Variants in NBEA observed in about 807,000 individuals in gnomAD.
NBEA encodes lysosomal-trafficking regulator 2.
In NBEA, 44 loss-of-function variants were observed where a neutral mutation model predicts 343.4. The ratio of observed to expected loss-of-function variants is 0.13; its 90% CI spans 0.10 to 0.16. NBEA has a LOEUF of 0.16. Ranked by LOEUF, NBEA falls within the 10% of genes least tolerant of loss-of-function variation. The pLI, the probability that NBEA is intolerant of heterozygous loss-of-function variation, is 1.00. For synonymous variants in NBEA, 1,175 were observed against 1,238.7 expected, an observed-to-expected ratio of 0.95 and a Z score of 1.08; for missense variants, 2,555 against 3,631.3, an observed-to-expected ratio of 0.70 and a Z score of 7.62.
At chr13:35,044,815 CAT>C (rs71196573) in intron 2 of NBEA, 130 bp from the exon 3 acceptor site, 12,447 of 359,530 alleles carry the variant, frequency 0.035, 115 homozygotes, top group African/African-American at 0.041. Context: ...GTATTAGATA[CAT>C]ATATATATAT....
chr13:35,164,710 G>T (rs2069855443), intron 24 of NBEA, among the ~76,000 whole-genome samples: 1 of 151,792 alleles, frequency 6.6e-6, no homozygotes, highest in Non-Finnish European at 1.5e-5. Flanking sequence ...ATGTTTCTCT[G>T]GTAATTCTGA....
chr13:35,041,321 C>T (rs1425631657), intron 2 of NBEA, among the ~76,000 whole-genome samples, 157 bp downstream of exon 2: 1 of 151,620 alleles, frequency 6.6e-6, no homozygotes, highest in African/African-American at 2.4e-5. Flanking sequence ...TAATGGAAAA[C>T]CTGAAGAGTG....
intron 48 of NBEA, among the ~76,000 whole-genome samples, chr13:35,619,447 G>A (rs2082881269): frequency 6.6e-6 from 1 of 152,062 alleles, no homozygotes; most frequent in Admixed American, 6.5e-5. Flanking sequence ...CAGCAGAACT[G>A]CAACCGCTTG....
intron 1 of NBEA, among the ~76,000 whole-genome samples, chr13:34,992,220 ATATGTGTGTGTGTGTGTG>A (rs1349654173): frequency 1.9e-5 from 2 of 107,320 alleles, no homozygotes; most frequent in East Asian, 2.5e-4. Context: ...GTGTGTGTGT[ATATGTGTGTGTGTGTGTG>A]TATATATATA....
chr13:35,667,736 G>T (rs2085428087), intron 57 of NBEA, among the ~76,000 whole-genome samples, 166 bp downstream of exon 57: 2 of 152,190 alleles, frequency 1.3e-5, no homozygotes, highest in African/African-American at 4.8e-5. Flanking sequence ...GAAACCCAAA[G>T]TTCATTTAAT....
intron 33 of NBEA, among the ~76,000 whole-genome samples, chr13:35,212,111 CAA>C (rs1388524065): frequency 1.3e-5 from 2 of 152,144 alleles, no homozygotes; most frequent in East Asian, 3.9e-4. Context: ...TCATCATCAA[CAA>C]AGTCAACAAA....
chr13:35,121,135 C>T lies in NBEA; in HGVS notation c.2244-2347C>T, dbSNP rs111720037. Among the ~76,000 whole-genome samples, 347 of 151,858 alleles carry T rather than the reference C, an allele frequency of 2.3e-3. 2 individuals carry two copies. Among genetic ancestry groups the T allele is most frequent in the African/African-American group, 7.9e-3 (328 of 41,410 alleles). ...ATTTTTTAATTTTTTTTTAGAGTCT[C>T]GCTCTGTTGTCTAGGCTGGAGTGCA... On this transcript the variant is annotated intron_variant, in intron 16 of 58. Transcript: ENST00000379939.
chr13:35,281,477 T>C (rs1210814426), intron 34 of NBEA, among the ~76,000 whole-genome samples: 1 of 152,170 alleles, frequency 6.6e-6, no homozygotes, highest in South Asian at 2.1e-4. Flanking sequence ...CTTTTGGAAG[T>C]AAGTGAGGTT....
At chr13:35,099,025 CT>C (rs35150346) in intron 11 of NBEA, among the ~76,000 whole-genome samples, 306 of 125,818 alleles carry the variant, frequency 2.4e-3, no homozygotes, top group East Asian at 5.1e-3. Context: ...TTCACTTAGA[CT>C]TTTTTTTTTT....
At chr13:35,649,346 T>G (rs1437130075) in intron 51 of NBEA, among the ~76,000 whole-genome samples, 1 of 152,214 alleles carries the variant, frequency 6.6e-6, no homozygotes, top group Non-Finnish European at 1.5e-5. Flanking sequence ...TTACGTCATG[T>G]GGGTGTGTCT....
chr13:35,382,950 C>T (rs2042081712), intron 38 of NBEA, among the ~76,000 whole-genome samples: 1 of 152,154 alleles, frequency 6.6e-6, no homozygotes, highest in South Asian at 2.1e-4. Flanking sequence ...ACATAATTCT[C>T]TCATACCATC....
intron 18 of NBEA, among the ~76,000 whole-genome samples, chr13:35,151,645 T>C (rs889770129): frequency 1.3e-5 from 2 of 152,106 alleles, no homozygotes; most frequent in African/African-American, 2.4e-5. Context: ...ATCTTGATTA[T>C]TTTGAAAACC....
intron 36 of NBEA, among the ~76,000 whole-genome samples, chr13:35,318,793 C>A (rs2037929401): frequency 6.6e-6 from 1 of 152,106 alleles, no homozygotes; most frequent in African/African-American, 2.4e-5. Flanking sequence ...TGTTATTGGT[C>A]TATTCAGGGA....
At chr13:35,448,330 A>G (rs989767122) in intron 39 of NBEA, among the ~76,000 whole-genome samples, 2 of 152,212 alleles carry the variant, frequency 1.3e-5, no homozygotes, top group Non-Finnish European at 2.9e-5. Flanking sequence ...TGATTTTTAT[A>G]TAAGGAAAAA....
chr13:35,062,989 A>G (rs1162064719), intron 8 of NBEA, among the ~76,000 whole-genome samples: 1 of 151,968 alleles, frequency 6.6e-6, no homozygotes, highest in Admixed American at 6.6e-5. Context: ...CAAAATTAAC[A>G]AAGTCAAAAT....
chr13:35,549,286 A>C (rs1235581142), intron 41 of NBEA, among the ~76,000 whole-genome samples: 1 of 152,224 alleles, frequency 6.6e-6, no homozygotes, highest in Non-Finnish European at 1.5e-5. Flanking sequence ...AAGTGTAAAA[A>C]GGAACTTCAT....
intron 34 of NBEA, among the ~76,000 whole-genome samples, chr13:35,233,606 C>T (rs2075084573): frequency 6.6e-6 from 1 of 152,076 alleles, no homozygotes; most frequent in African/African-American, 2.4e-5. Context: ...ATTTGAAGCT[C>T]TTAGAATATT....
chr13:35,277,943 C>T (rs928411969), intron 34 of NBEA, among the ~76,000 whole-genome samples: 2 of 151,490 alleles, frequency 1.3e-5, no homozygotes, highest in Non-Finnish European at 2.9e-5. Flanking sequence ...CAAAACTTAG[C>T]CAGTGTGGTG....
chr13:35,049,528 A>T (rs2062989958), intron 5 of NBEA, among the ~76,000 whole-genome samples: 1 of 151,980 alleles, frequency 6.6e-6, no homozygotes, highest in Non-Finnish European at 1.5e-5. Context: ...GTGAGCTATT[A>T]CTATCTTCTA....
Sources: gnomAD v4.1 joint callset for allele counts (sites outside exome capture counted in the v4.1 genomes callset) on GRCh38, gnomAD v4.1.1 for gene constraint, MANE v1.5 for transcripts, NCBI Gene and HGNC (gene_info 2026-07-23, HGNC 2026-07-21) for gene names.